Variants in NTM observed in about 807,000 individuals in gnomAD.
The protein encoded by NTM is IgLON family member 2.
Under a neutral mutation model 42.1 loss-of-function variants are expected in NTM, and 13 were observed. The ratio of observed to expected loss-of-function variants is 0.31; its 90% CI spans 0.20 to 0.49. The LOEUF is 0.49. Among genes scored for constraint, NTM ranks in the 20% least tolerant of loss-of-function variants. The pLI, the probability that NTM is intolerant of heterozygous loss-of-function variation, is 0.99. For missense variants in NTM, 373 were observed against 452.8 expected (o/e 0.82, Z 1.60); for synonymous variants, 187 against 179.2 (o/e 1.04, Z -0.35).
chr11:132,181,166 A>G (rs943600258), intron 3 of NTM, among the ~76,000 whole-genome samples: 4 of 152,150 alleles, frequency 2.6e-5, no homozygotes, highest in African/African-American at 9.7e-5. Flanking sequence ...CTTTTCATGA[A>G]ACTACTCCCT....
chr11:132,163,406 G>A (rs956028879), intron 3 of NTM, among the ~76,000 whole-genome samples: 6 of 152,204 alleles, frequency 3.9e-5, no homozygotes, highest in Non-Finnish European at 8.8e-5. Context: ...ATCATGCAAT[G>A]ATAATGCTAT....
chr11:131,429,058 A>G (rs1034608048), intron 1 of NTM, among the ~76,000 whole-genome samples: 1 of 152,232 alleles, frequency 6.6e-6, no homozygotes, highest in African/African-American at 2.4e-5. Flanking sequence ...CTGACTCAAA[A>G]TAAATAAAGA....
At position 131,753,129 on chromosome 11, in the gene NTM, C is replaced by A. The variant is rs547524626; in HGVS notation, c.83-158435C>A. ...AGAAGACATTTATGCAGCCAAAAAA[C>A]ACATGAAAAAATGCTCACCATCACT... On this transcript the variant is annotated intron_variant, in intron 1 of 8. Coordinates refer to ENST00000683400, the MANE Select transcript of NTM (RefSeq NM_001352005.2). Among the ~76,000 whole-genome samples the A allele has an allele frequency of 1.4e-3, 213 of 152,188 alleles. 1 individual carries two copies. Among genetic ancestry groups the A allele is most frequent in the Middle Eastern group, 0.014 (4 of 294 alleles).
intron 1 of NTM, among the ~76,000 whole-genome samples, chr11:131,761,859 ATAAT>A (rs1274236334): frequency 7.6e-6 from 1 of 130,728 alleles, no homozygotes; most frequent in African/African-American, 2.8e-5. Flanking sequence ...AAATAAATAA[ATAAT>A]AAATGCAGAG....
At chr11:131,684,209 G>A (rs1045725200) in intron 1 of NTM, among the ~76,000 whole-genome samples, 9 of 152,118 alleles carry the variant, frequency 5.9e-5, no homozygotes, top group African/African-American at 1.9e-4. Flanking sequence ...GAGCAACGTG[G>A]GGTGAGCAGC....
intron 2 of NTM, among the ~76,000 whole-genome samples, chr11:132,144,349 T>A (rs1211480945): frequency 6.6e-6 from 1 of 152,194 alleles, no homozygotes; most frequent in Non-Finnish European, 1.5e-5. Flanking sequence ...AGGGGGCTCA[T>A]GTGCACCGTA....
intron 4 of NTM, among the ~76,000 whole-genome samples, chr11:132,245,415 G>A (rs2090967486): frequency 6.6e-6 from 1 of 152,132 alleles, no homozygotes; most frequent in Admixed American, 6.5e-5. Flanking sequence ...AGGAGGGAGG[G>A]GATTGCAGAG....
intron 1 of NTM, among the ~76,000 whole-genome samples, chr11:131,789,621 A>AGAG (rs2090430471): frequency 2.3e-5 from 2 of 87,722 alleles, no homozygotes; most frequent in African/African-American, 1.0e-4. Flanking sequence ...AAGAAGAAGA[A>AGAG]GAAGAAGAAG....
Position 131,949,411 on chromosome 11 carries a change from A to G in NTM, c.167+37763A>G, listed in dbSNP as rs540657462. Among the ~76,000 whole-genome samples the G allele has an allele frequency of 5.9e-5, 9 of 152,328 alleles. No individual in the cohort carries two copies. In the South Asian group the frequency reaches 1.9e-3, roughly 32 times the overall value. The stretch of plus-strand genomic sequence containing the variant: ...TAAAGGTGGAAGCTTTGTTTTGTTC[A>G]CTGATCCTGTGTCTTCAGAATCTAG... On this transcript the variant is annotated intron_variant, in intron 2 of 8. Coordinates refer to ENST00000683400, the MANE Select transcript of NTM (RefSeq NM_001352005.2).
chr11:131,589,516 T>C lies in NTM; in HGVS notation c.82+218628T>C, dbSNP rs146093052. Among the ~76,000 whole-genome samples the C allele has an allele frequency of 3.7e-3, 557 of 152,334 alleles. 1 individual carries two copies. The highest frequency in any genetic ancestry group is 0.013 in the African/African-American group (539 of 41,574). ...AGCTTCTGCAGAGGCAAAACAACCCTGTCCTCTTCTTTCTTACACATGATG... is the reference window on the plus strand; with the variant it reads ...AGCTTCTGCAGAGGCAAAACAACCCCGTCCTCTTCTTTCTTACACATGATG... On this transcript the variant is annotated intron_variant, in intron 1 of 8. Coordinates refer to ENST00000683400, the MANE Select transcript of NTM (RefSeq NM_001352005.2).
At chr11:131,514,351 G>A (rs866881684) in intron 1 of NTM, among the ~76,000 whole-genome samples, 6 of 152,120 alleles carry the variant, frequency 3.9e-5, no homozygotes, top group Admixed American at 2.6e-4. Flanking sequence ...TGCCCAGCAC[G>A]TAATGGCCGT....
At chr11:131,893,837 G>C (rs1177601050) in intron 1 of NTM, among the ~76,000 whole-genome samples, 3 of 152,094 alleles carry the variant, frequency 2.0e-5, no homozygotes, top group Admixed American at 1.3e-4. Context: ...ATGAGTGAAA[G>C]GTGGCCACCT....
intron 1 of NTM, among the ~76,000 whole-genome samples, chr11:131,702,452 C>T (rs789521): frequency 0.23 from 35,359 of 151,958 alleles, 4,913 homozygotes; most frequent in African/African-American, 0.38. Context: ...TTTGGAGAGA[C>T]CCAGCATCTT....
intron 1 of NTM, among the ~76,000 whole-genome samples, chr11:131,710,248 G>C (rs909347372): frequency 6.6e-6 from 1 of 152,076 alleles, no homozygotes; most frequent in Non-Finnish European, 1.5e-5. Context: ...TCTTGTCAGC[G>C]TACAAATATT....
At chr11:132,093,332 C>A (rs535273122) in intron 2 of NTM, among the ~76,000 whole-genome samples, 1 of 152,284 alleles carries the variant, frequency 6.6e-6, no homozygotes, top group Admixed American at 6.5e-5. Context: ...GACATGCATG[C>A]TTTCTGAGCC....
chr11:131,676,200 A>G (rs2695809), intron 1 of NTM, among the ~76,000 whole-genome samples: 103,606 of 152,154 alleles, frequency 0.68, 36,415 homozygotes, highest in Non-Finnish European at 0.76. Flanking sequence ...AACATAGGGA[A>G]GAGAAACTGA....
At chr11:132,066,963 T>C (rs2056602232) in intron 2 of NTM, among the ~76,000 whole-genome samples, 1 of 152,060 alleles carries the variant, frequency 6.6e-6, no homozygotes, top group Admixed American at 6.5e-5. Flanking sequence ...AAACATTTTT[T>C]TTTTCTTTTG....
At chr11:131,896,679 CTTTTTT>C (rs71067345) in intron 1 of NTM, among the ~76,000 whole-genome samples, 50 of 100,606 alleles carry the variant, frequency 5.0e-4, no homozygotes, top group African/African-American at 1.6e-3. Flanking sequence ...ACATTTTAGG[CTTTTTT>C]TTTTTTTTTT....
chr11:131,678,879 G>T (rs958352992), intron 1 of NTM, among the ~76,000 whole-genome samples: 1 of 152,226 alleles, frequency 6.6e-6, no homozygotes, highest in Non-Finnish European at 1.5e-5. Flanking sequence ...CATGGAGAGA[G>T]AGTGGTTCAG....
Sources: gnomAD v4.1 joint callset for allele counts (sites outside exome capture counted in the v4.1 genomes callset) on GRCh38, gnomAD v4.1.1 for gene constraint, MANE v1.5 for transcripts, NCBI Gene and HGNC (gene_info 2026-07-23, HGNC 2026-07-21) for gene names.